The following BTBD16 variants were observed in gnomAD, a reference collection of about 807,000 sequenced individuals.
BTBD16 encodes BTB domain containing 16, also known as BTB/POZ domain-containing protein 16.
BTBD16 carries 66 observed loss-of-function variants against 67.4 expected under a neutral mutation model. That is an observed-to-expected ratio of 0.98 (90% CI 0.80 to 1.20). The LOEUF (loss-of-function observed/expected upper bound fraction) is 1.20, where lower values mean the gene tolerates loss of function less well. Ranked by LOEUF, BTBD16 falls within the 50% of genes most tolerant of loss-of-function variation. The pLI is 0.00. For synonymous variants in BTBD16, 242 were observed against 236.4 expected (o/e 1.02, Z -0.22); for missense variants, 634 against 616.0 (o/e 1.03, Z -0.31).
intron 12 of BTBD16, chr10:122,331,876 C>CA (rs1259102169): frequency 4.5e-5 from 7 of 155,530 alleles, no homozygotes; most frequent in Admixed American, 4.4e-4. Context: ...CTCCCCGCAC[C>CA]ATAGATCTCG....
At chr10:122,302,822 G>A (rs2096396658) in intron 9 of BTBD16, among the ~76,000 whole-genome samples, 1 of 152,114 alleles carries the variant, frequency 6.6e-6, no homozygotes, top group Non-Finnish European at 1.5e-5. Flanking sequence ...GGATACTGTT[G>A]GTGTTTCTTG....
intron 10 of BTBD16, among the ~76,000 whole-genome samples, chr10:122,319,270 T>C (rs1447607384): frequency 6.6e-6 from 1 of 152,214 alleles, no homozygotes. Context: ...TTCAGTTCAT[T>C]CCTTGTGTGT....
intron 10 of BTBD16, among the ~76,000 whole-genome samples, chr10:122,313,724 C>T (rs914687748): frequency 6.6e-6 from 1 of 152,152 alleles, no homozygotes; most frequent in Non-Finnish European, 1.5e-5. Flanking sequence ...TGGTCACGGT[C>T]CTTCTTTTCA....
At chr10:122,333,011 G>C (rs74816634) in intron 13 of BTBD16, 7 of 977,608 alleles carry the variant, frequency 7.2e-6, no homozygotes, top group Non-Finnish European at 8.5e-6. Context: ...TTGGCACTTA[G>C]TGACCAGGGG....
At chr10:122,335,349 TG>T (rs1169989712) in intron 14 of BTBD16, among the ~76,000 whole-genome samples, 1 of 152,172 alleles carries the variant, frequency 6.6e-6, no homozygotes, top group Admixed American at 6.5e-5. Context: ...TGCCCCCAAC[TG>T]GGAGAGGGGG....
At chr10:122,309,415 G>A (rs2096409574) in intron 10 of BTBD16, among the ~76,000 whole-genome samples, 1 of 151,552 alleles carries the variant, frequency 6.6e-6, no homozygotes, top group South Asian at 2.1e-4. Flanking sequence ...CGCCATCTCA[G>A]CTCACTTCAA....
intron 10 of BTBD16, among the ~76,000 whole-genome samples, chr10:122,308,821 TTG>T (rs2096408290): frequency 6.6e-6 from 1 of 152,138 alleles, no homozygotes; most frequent in Admixed American, 6.5e-5. Context: ...CACCTCGCAG[TTG>T]TGTCTTTGTC....
chr10:122,283,728 C>T (rs1377020618), intron 3 of BTBD16, 123 bp from the exon 4 acceptor site: 13 of 736,366 alleles, frequency 1.8e-5, no homozygotes, highest in South Asian at 1.0e-4. Context: ...TTCCAAAGGG[C>T]GAGATATGAT....
At chr10:122,281,425 G>T (rs979413776) in intron 3 of BTBD16, among the ~76,000 whole-genome samples, 36 of 151,908 alleles carry the variant, frequency 2.4e-4, no homozygotes, top group Non-Finnish European at 3.8e-4. Flanking sequence ...GTCTCGCGCA[G>T]TTGCCCAGGC....
intron 2 of BTBD16, 42 bp from the exon 3 acceptor site, chr10:122,276,749 T>G (rs2096341346): frequency 6.3e-7 from 1 of 1,595,050 alleles, no homozygotes; most frequent in Non-Finnish European, 8.6e-7. Flanking sequence ...TTATGTGAAG[T>G]TAGAAAAAAA....
rs949643049 is a variant in BTBD16 at position 122,289,787 on chromosome 10, A to G, written c.386-122A>G. ...TTAATTAATTACATCTATGAAACAAATAAAATATAGTGTGATACATATCTT... is the reference window on the plus strand; with the variant it reads ...TTAATTAATTACATCTATGAAACAAGTAAAATATAGTGTGATACATATCTT... On this transcript the variant is annotated intron_variant, in intron 5 of 15. Transcript: ENST00000260723. 8.6e-6 allele frequency: 5 copies of G among 583,968 alleles called. No individual in the cohort carries two copies. In the African/African-American group the frequency reaches 9.4e-5, roughly 11 times the overall value. 36.2% of individuals were successfully genotyped at this position (583,968 alleles called of 1,614,324 possible).
chr10:122,281,849 C>T (rs574713792), intron 3 of BTBD16, among the ~76,000 whole-genome samples: 1 of 152,322 alleles, frequency 6.6e-6, no homozygotes, highest in African/African-American at 2.4e-5. Flanking sequence ...TCCTCTTCTT[C>T]CCCTTCTGCC....
intron 3 of BTBD16, among the ~76,000 whole-genome samples, chr10:122,282,290 G>A (rs574862492): frequency 6.6e-6 from 1 of 152,202 alleles, no homozygotes; most frequent in South Asian, 2.1e-4. Flanking sequence ...GAGGGGGATC[G>A]AGGGAGGAAG....
At chr10:122,283,211 G>A (rs1278014028) in intron 3 of BTBD16, among the ~76,000 whole-genome samples, 2 of 152,254 alleles carry the variant, frequency 1.3e-5, no homozygotes, top group Non-Finnish European at 2.9e-5. Context: ...GACTTTGGCA[G>A]TGACTGGAGG....
chr10:122,331,300 T>C (rs1329167715), intron 12 of BTBD16, 42 bp downstream of exon 12: 3 of 1,602,736 alleles, frequency 1.9e-6, no homozygotes, highest in Non-Finnish European at 2.5e-6. Context: ...TCGAAGTTTA[T>C]TGCCTCTCTG....
intron 10 of BTBD16, among the ~76,000 whole-genome samples, chr10:122,316,267 AAAAAC>A (rs1021815360): frequency 2.6e-5 from 4 of 152,134 alleles, no homozygotes; most frequent in African/African-American, 4.8e-5. Flanking sequence ...ACTCCAACTC[AAAAAC>A]AAAACAAAAC....
chr10:122,314,422 T>C (rs548366870), intron 10 of BTBD16, among the ~76,000 whole-genome samples: 2 of 152,168 alleles, frequency 1.3e-5, no homozygotes, highest in Non-Finnish European at 2.9e-5. Flanking sequence ...GAGGATCACT[T>C]GAGCCTGGGA....
intron 6 of BTBD16, among the ~76,000 whole-genome samples, chr10:122,290,760 A>G (rs1205207584): frequency 6.6e-6 from 1 of 152,118 alleles, no homozygotes; most frequent in Non-Finnish European, 1.5e-5. Context: ...TTCTACACCT[A>G]TATGGGCAGT....
At chr10:122,276,075 A>G (rs1304945433) in intron 2 of BTBD16, among the ~76,000 whole-genome samples, 1 of 152,258 alleles carries the variant, frequency 6.6e-6, no homozygotes, top group African/African-American at 2.4e-5. Context: ...ACATTATGTT[A>G]TGTGAAAGAT....
Sources: gnomAD v4.1 joint callset for allele counts (sites outside exome capture counted in the v4.1 genomes callset) on GRCh38, gnomAD v4.1.1 for gene constraint, MANE v1.5 for transcripts, NCBI Gene and HGNC (gene_info 2026-07-23, HGNC 2026-07-21) for gene names.